Variants in VWA3B observed in about 807,000 individuals in gnomAD.
VWA3B encodes the protein von Willebrand factor A domain containing 3B, also known as von Willebrand factor A domain-containing protein 3B.
Under a neutral mutation model 158.3 loss-of-function variants are expected in VWA3B, and 138 were observed. That is an observed-to-expected ratio of 0.87 (90% CI 0.76 to 1.00). VWA3B has a LOEUF of 1.00. Ranked by LOEUF, VWA3B falls within the 50% of genes least tolerant of loss-of-function variation. VWA3B has a pLI of 0.00. For missense variants in VWA3B, 1,555 were observed against 1,565.1 expected (o/e 0.99, Z 0.11); for synonymous variants, 596 against 587.3 (o/e 1.01, Z -0.21).
chr2:98,191,887 C>A (rs1429576794), intron 10 of VWA3B, among the ~76,000 whole-genome samples: 2 of 152,218 alleles, frequency 1.3e-5, no homozygotes, highest in Admixed American at 6.5e-5. Flanking sequence ...TTGCTGAACT[C>A]TGAGCTCAAT....
intron 4 of VWA3B, 106 bp downstream of exon 4, chr2:98,119,869 G>T: frequency 7.2e-7 from 1 of 1,381,810 alleles, no homozygotes; most frequent in Non-Finnish European, 9.9e-7. Flanking sequence ...GGTGAGGGAA[G>T]AGGCATTATC....
intron 19 of VWA3B, among the ~76,000 whole-genome samples, chr2:98,245,001 T>A (rs1238257760): frequency 3.3e-5 from 5 of 152,142 alleles, no homozygotes; most frequent in Non-Finnish European, 7.4e-5. Context: ...CCCATCTCGA[T>A]CACTACCTCT....
At chr2:98,317,123 G>A (rs949185781), downstream of VWA3B, among the ~76,000 whole-genome samples, 3 of 152,112 alleles carry the variant, frequency 2.0e-5, no homozygotes, top group African/African-American at 7.2e-5. Context: ...CAAAACCAAT[G>A]CATGAAAAGC....
rs1294236654 is a variant in VWA3B, at chr2:98,303,885, C to T, written c.3521+83C>T. ...CTGTTTTTGAGATGAGATCCATGAC[C>T]TCTAAATACTAGGGAAGAAAAGTAG... On this transcript the variant is annotated intron_variant, in intron 26 of 27. Transcript: ENST00000477737. 3 of 1,292,706 alleles carry T rather than the reference C, an allele frequency of 2.3e-6. No individual in the cohort carries two copies. The African/African-American group carries it at 4.5e-5, about 19-fold the overall frequency. 80.1% of individuals were successfully genotyped at this position (1,292,706 alleles called of 1,614,324 possible). A position where few individuals can be genotyped will look rare whatever the true frequency, so the allele number is the denominator to read the frequency against.
intron 25 of VWA3B, among the ~76,000 whole-genome samples, chr2:98,302,497 A>G (rs1574314678): frequency 6.6e-6 from 1 of 152,254 alleles, no homozygotes; most frequent in South Asian, 2.1e-4. Context: ...AAACAGACCC[A>G]CAAGTGAACT....
intron 9 of VWA3B, among the ~76,000 whole-genome samples, chr2:98,186,565 TC>T (rs1212121993): frequency 2.6e-5 from 4 of 151,932 alleles, no homozygotes; most frequent in South Asian, 2.1e-4. Context: ...CCCTTTCCCG[TC>T]CCGGCCTGAA....
chr2:98,188,292 T>A (rs1681292829), intron 10 of VWA3B, among the ~76,000 whole-genome samples, 163 bp downstream of exon 10: 1 of 152,174 alleles, frequency 6.6e-6, no homozygotes, highest in Non-Finnish European at 1.5e-5. Flanking sequence ...TGTACAAAGA[T>A]CAAATCAGGG....
intron 7 of VWA3B, among the ~76,000 whole-genome samples, chr2:98,139,384 G>A (rs1359010607): frequency 1.3e-5 from 2 of 152,242 alleles, no homozygotes; most frequent in African/African-American, 4.8e-5. Flanking sequence ...GCTGAGGAGT[G>A]CGGGCGCACG....
At chr2:98,187,366 C>T (rs947778840) in intron 9 of VWA3B, among the ~76,000 whole-genome samples, 10 of 151,888 alleles carry the variant, frequency 6.6e-5, no homozygotes, top group Non-Finnish European at 8.8e-5. Context: ...GGAGGAGCGC[C>T]GGTTGAGTGC....
intron 11 of VWA3B, among the ~76,000 whole-genome samples, chr2:98,194,024 T>C (rs1681819987): frequency 6.6e-6 from 1 of 152,232 alleles, no homozygotes; most frequent in African/African-American, 2.4e-5. Context: ...TTCCAGCATA[T>C]TGTATTTGGT....
intron 21 of VWA3B, among the ~76,000 whole-genome samples, chr2:98,267,095 T>C (rs62156750): frequency 6.6e-6 from 1 of 151,132 alleles, no homozygotes; most frequent in African/African-American, 2.4e-5. Flanking sequence ...TGAATAGGAG[T>C]GGTGAGAGAG....
chr2:98,170,483 C>T (rs1435790389), intron 8 of VWA3B, among the ~76,000 whole-genome samples: 1 of 152,094 alleles, frequency 6.6e-6, no homozygotes, highest in Non-Finnish European at 1.5e-5. Flanking sequence ...GAGTTTAGAG[C>T]ACATATTTTT....
intron 21 of VWA3B, among the ~76,000 whole-genome samples, chr2:98,267,842 A>C (rs1048469072): frequency 2.6e-5 from 4 of 152,164 alleles, no homozygotes; most frequent in African/African-American, 9.7e-5. Context: ...ATGCAATAAA[A>C]AATGGTAAGG....
chr2:98,242,420 T>G, intron 19 of VWA3B: 1 of 405,878 alleles, frequency 2.5e-6, no homozygotes, highest in Non-Finnish European at 4.9e-6. Flanking sequence ...ACAATAAAAC[T>G]GATTTAGCTA....
intron 26 of VWA3B, among the ~76,000 whole-genome samples, chr2:98,304,931 G>A (rs1423019678): frequency 6.6e-6 from 1 of 152,116 alleles, no homozygotes; most frequent in East Asian, 1.9e-4. Flanking sequence ...TCATCGGATA[G>A]ACTCAACGTC....
At position 98,248,823 on chromosome 2, in the gene VWA3B, TTTTCTTTC is replaced by T. The variant is rs55742932; in HGVS notation, c.2674-1441_2674-1434del. Among the ~76,000 whole-genome samples, 1,302 of 137,788 alleles carry T rather than the reference TTTTCTTTC, an allele frequency of 9.4e-3. 20 individuals carry two copies. The highest frequency in any genetic ancestry group is 0.022 in the Middle Eastern group (6 of 270). 90.4% of individuals were successfully genotyped at this position (137,788 alleles called of 152,430 possible). A position where few individuals can be genotyped will look rare whatever the true frequency, so the allele number is the denominator to read the frequency against. ...TCTCTCTGTCTCTCTTTCTCTTTCT[TTTTCTTTC>T]TTTCTTTCTTTCTTTCTTTCTTTCT... On this transcript the variant is annotated intron_variant, in intron 19 of 27. Transcript: ENST00000477737.
chr2:98,221,563 C>T (rs576439986), intron 14 of VWA3B, among the ~76,000 whole-genome samples: 36 of 152,300 alleles, frequency 2.4e-4, no homozygotes, highest in South Asian at 1.2e-3. Flanking sequence ...TCCATCCCTA[C>T]GTGGTGGAAG....
rs377332244 is a variant in VWA3B, at chr2:98,216,986, G to GCC, written c.1837-857_1837-856dup. On this transcript the variant is annotated intron_variant, in intron 13 of 27. Transcript: ENST00000477737. ...GTCATGTGTATCATTGTAAGCACCC[G>GCC]CCCCGCACCCAGTCTCAGGTGGTCC... 6.2e-4 allele frequency: 786 copies of GCC among 1,265,488 alleles called. 9 individuals are homozygous for GCC. The African/African-American group carries it at 9.0e-3, about 15-fold the overall frequency. The allele number at this position is 1,265,488 out of a possible 1,614,324, so 78.4% of individuals were successfully genotyped here.
chr2:98,232,427 C>T (rs1262983964), intron 16 of VWA3B, among the ~76,000 whole-genome samples: 1 of 151,890 alleles, frequency 6.6e-6, no homozygotes, highest in Non-Finnish European at 1.5e-5. Context: ...CATTTGTTTC[C>T]AGAGAATGTA....
Sources: allele counts gnomAD v4.1 joint callset (sites outside exome capture counted in the v4.1 genomes callset), GRCh38; gene constraint gnomAD v4.1.1; transcripts MANE v1.5; gene names NCBI Gene and HGNC (gene_info 2026-07-23, HGNC 2026-07-21).